CNTNAP2: variants seen among roughly 807,000 people sequenced by gnomAD.
CNTNAP2 encodes the protein contactin associated protein 2, also known as contactin-associated protein-like 2.
CNTNAP2 carries 98 observed loss-of-function variants against 155.2 expected under a neutral mutation model. That is an observed-to-expected ratio of 0.63 (90% CI 0.54 to 0.75). The LOEUF (loss-of-function observed/expected upper bound fraction) is 0.75. Ranked by LOEUF, CNTNAP2 falls within the 30% of genes least tolerant of loss-of-function variation. CNTNAP2 has a pLI of 0.00. For synonymous variants in CNTNAP2, 651 were observed against 631.2 expected, an observed-to-expected ratio of 1.03 and a Z score of -0.47; for missense variants, 1,727 against 1,688.1, an observed-to-expected ratio of 1.02 and a Z score of -0.40.
intron 8 of CNTNAP2, among the ~76,000 whole-genome samples, chr7:147,269,315 A>T (rs1216490111): frequency 6.6e-6 from 1 of 152,206 alleles, no homozygotes. Flanking sequence ...ATTGCAAAAA[A>T]CAAAGATTCT....
chr7:146,987,610 C>T (rs571474032), intron 3 of CNTNAP2, among the ~76,000 whole-genome samples: 1 of 152,052 alleles, frequency 6.6e-6, no homozygotes, highest in Non-Finnish European at 1.5e-5. Context: ...CTATCTTCTT[C>T]GCAGGTCTTT....
chr7:147,800,251 T>C (rs2116587434), intron 13 of CNTNAP2, among the ~76,000 whole-genome samples: 1 of 152,252 alleles, frequency 6.6e-6, no homozygotes, highest in East Asian at 1.9e-4. Flanking sequence ...TGAGGGAAGA[T>C]TTGATTTGGG....
chr7:146,692,069 A>C (rs2888408), intron 1 of CNTNAP2, among the ~76,000 whole-genome samples: 105,562 of 151,976 alleles, frequency 0.69, 39,776 homozygotes, highest in South Asian at 0.91. Flanking sequence ...AACTAGCAAA[A>C]AAGGAATGTG....
chr7:148,065,292 A>G (rs899873570), intron 15 of CNTNAP2, among the ~76,000 whole-genome samples: 1 of 152,128 alleles, frequency 6.6e-6, no homozygotes, highest in Non-Finnish European at 1.5e-5. Context: ...TGTTCTGTAA[A>G]TATCTGTTAA....
intron 3 of CNTNAP2, among the ~76,000 whole-genome samples, chr7:146,948,717 A>T (rs1475076754): frequency 6.6e-6 from 1 of 152,192 alleles, no homozygotes; most frequent in African/African-American, 2.4e-5. Flanking sequence ...TGTTGAATTA[A>T]ATACATTCCT....
intron 1 of CNTNAP2, among the ~76,000 whole-genome samples, chr7:146,341,831 C>T (rs1477947560): frequency 6.6e-6 from 1 of 152,094 alleles, no homozygotes; most frequent in African/African-American, 2.4e-5. Flanking sequence ...GTTTTATGCC[C>T]ATGCCTGAAT....
chr7:146,514,321 T>C (rs1050213188), intron 1 of CNTNAP2, among the ~76,000 whole-genome samples: 2 of 152,086 alleles, frequency 1.3e-5, no homozygotes, highest in Non-Finnish European at 2.9e-5. Flanking sequence ...CTCTTTCTTC[T>C]CCTTGCTTTC....
intron 9 of CNTNAP2, among the ~76,000 whole-genome samples, chr7:147,365,634 T>G (rs2116904396): frequency 6.6e-6 from 1 of 152,256 alleles, no homozygotes; most frequent in Non-Finnish European, 1.5e-5. Flanking sequence ...TCAGTCTCTT[T>G]ACTCACCTCT....
intron 15 of CNTNAP2, among the ~76,000 whole-genome samples, chr7:147,986,244 G>T (rs28373395): frequency 0.067 from 10,157 of 152,002 alleles, 759 homozygotes; most frequent in African/African-American, 0.19. Flanking sequence ...TAATACATTC[G>T]ATTTACTTGG....
intron 14 of CNTNAP2, among the ~76,000 whole-genome samples, chr7:147,977,243 A>G (rs1801439812): frequency 6.6e-6 from 1 of 152,184 alleles, no homozygotes; most frequent in Non-Finnish European, 1.5e-5. Flanking sequence ...TATAGAGTCA[A>G]CAGAAGAACA....
At position 148,049,619 on chromosome 7, in the gene CNTNAP2, T is replaced by C. The variant is rs186691757; in HGVS notation, c.2384-68499T>C. Among the ~76,000 whole-genome samples the C allele has an allele frequency of 2.4e-3, 371 of 152,290 alleles. 2 individuals carry two copies. The highest frequency in any genetic ancestry group is 3.4e-3 in the Non-Finnish European group (228 of 68,034). ...CATAAGATTATAGAGGAGCTGAACATTTCCTATGCCTAGTAACATCACAGC... is the reference window on the plus strand; with the variant it reads ...CATAAGATTATAGAGGAGCTGAACACTTCCTATGCCTAGTAACATCACAGC... On this transcript the variant is annotated intron_variant, in intron 15 of 23. Coordinates refer to ENST00000361727, the MANE Select transcript of CNTNAP2 (RefSeq NM_014141.6).
chr7:146,372,285 C>A (rs1795247538), intron 1 of CNTNAP2, among the ~76,000 whole-genome samples: 1 of 152,180 alleles, frequency 6.6e-6, no homozygotes, highest in Non-Finnish European at 1.5e-5. Flanking sequence ...TTCCTAATTT[C>A]TTTTCAGCCA....
rs193078937 is a variant in CNTNAP2 at position 146,830,718 on chromosome 7, C to G, written c.209-8993C>G. 8.3e-4 allele frequency among the ~76,000 whole-genome samples: 127 copies of G among 152,194 alleles called. No individual in the cohort carries two copies. In the Middle Eastern group the frequency reaches 0.01, roughly 12 times the overall value. On this transcript the variant is annotated intron_variant, in intron 2 of 23. Transcript: ENST00000361727. ...ACTGGTATAGGTTCAGGTTTCCAGC[C>G]AGTGAAAAACATTTACATCATTATT... is the stretch of plus-strand genomic sequence containing the variant.
chr7:148,271,583 G>A (rs1796780471), intron 21 of CNTNAP2, among the ~76,000 whole-genome samples: 1 of 152,182 alleles, frequency 6.6e-6, no homozygotes, highest in South Asian at 2.1e-4. Context: ...CTTCCAGAAT[G>A]GTGAGGAAGC....
chr7:146,306,027 A>G lies in CNTNAP2; in HGVS notation c.97+189054A>G, dbSNP rs931590366. ...AGACAAATAAAGGAGAAAAGAGAGA[A>G]GAATCAAATAGACGCAATAAAAAAT... is the stretch of plus-strand genomic sequence containing the variant. On this transcript the variant is annotated intron_variant, in intron 1 of 23. Coordinates refer to ENST00000361727, the MANE Select transcript of CNTNAP2 (RefSeq NM_014141.6). Among the ~76,000 whole-genome samples, 8 of 152,142 alleles carry G rather than the reference A, an allele frequency of 5.3e-5. 1 individual carries two copies. Among genetic ancestry groups the G allele is most frequent in the Non-Finnish European group, 1.2e-4 (8 of 68,028 alleles).
chr7:148,346,793 A>T (rs1341441902), intron 21 of CNTNAP2, among the ~76,000 whole-genome samples: 1 of 87,088 alleles, frequency 1.1e-5, no homozygotes, highest in Non-Finnish European at 2.5e-5. Flanking sequence ...AAAAAAAAAA[A>T]AAAAATTAAT....
intron 9 of CNTNAP2, among the ~76,000 whole-genome samples, chr7:147,365,383 G>GAAAAAAAAAAAAAAAAAAA (rs10557373): frequency 1.1e-5 from 1 of 93,638 alleles, no homozygotes; most frequent in African/African-American, 4.3e-5. Flanking sequence ...ATCTCAAAAA[G>GAAAAAAAAAAAAAAAAAAA]AAAAAAAAAA....
intron 14 of CNTNAP2, among the ~76,000 whole-genome samples, chr7:147,921,088 T>C (rs959061519): frequency 1.3e-5 from 2 of 151,802 alleles, no homozygotes; most frequent in Admixed American, 6.6e-5. Context: ...AGATTACAGG[T>C]GTGAGCCACC....
At chr7:147,601,065 G>C (rs1415004429) in intron 12 of CNTNAP2, among the ~76,000 whole-genome samples, 2 of 152,144 alleles carry the variant, frequency 1.3e-5, no homozygotes, top group Non-Finnish European at 2.9e-5. Flanking sequence ...AAATTGGAGA[G>C]AGCACTGTAA....
Sources: gnomAD v4.1 joint callset for allele counts (sites outside exome capture counted in the v4.1 genomes callset) on GRCh38, gnomAD v4.1.1 for gene constraint, MANE v1.5 for transcripts, NCBI Gene and HGNC (gene_info 2026-07-23, HGNC 2026-07-21) for gene names.